Variants in OSBPL10 observed in about 807,000 individuals in gnomAD.
OSBPL10 encodes the protein oxysterol binding protein like 10.
Under a neutral mutation model 81.7 loss-of-function variants are expected in OSBPL10, and 49 were observed. The observed-to-expected ratio is 0.60, with a 90% CI of 0.48 to 0.76. The LOEUF (loss-of-function observed/expected upper bound fraction) is 0.76. Among genes scored for constraint, OSBPL10 ranks in the 30% least tolerant of loss-of-function variants. The pLI is 0.00. For synonymous variants in OSBPL10, 419 were observed against 383.6 expected, an observed-to-expected ratio of 1.09 and a Z score of -1.08; for missense variants, 923 against 987.8, an observed-to-expected ratio of 0.93 and a Z score of 0.88.
chr3:31,988,378 A>C (rs1269984853), intron 2 of OSBPL10, among the ~76,000 whole-genome samples: 1 of 152,116 alleles, frequency 6.6e-6, no homozygotes, highest in Non-Finnish European at 1.5e-5. Context: ...GAGTAGGATG[A>C]GTGTGTTGTA....
In OSBPL10 at chr3:31,687,469, A is replaced by T. The variant is rs1017642699; in HGVS notation, c.1246-3355T>A. On this transcript the variant is annotated intron_variant, in intron 7 of 11. Coordinates refer to ENST00000396556, the MANE Select transcript of OSBPL10 (RefSeq NM_017784.5). Reference sequence around the variant, plus strand: ...TCTGAATTCAAAAGCTGAAGGATTTAAAAAAAAAAATAAGTAAATAAATAA... The same window carrying T: ...TCTGAATTCAAAAGCTGAAGGATTTTAAAAAAAAAATAAGTAAATAAATAA... 2.6e-4 allele frequency among the ~76,000 whole-genome samples: 31 copies of T among 119,030 alleles called. 1 individual carries two copies. The highest frequency in any genetic ancestry group is 1.4e-3 in the African/African-American group (25 of 17,792). 78.1% of individuals were successfully genotyped at this position (119,030 alleles called of 152,430 possible).
intron 1 of OSBPL10, among the ~76,000 whole-genome samples, chr3:31,941,537 C>G (rs1185643650): frequency 6.6e-6 from 1 of 152,210 alleles, no homozygotes; most frequent in African/African-American, 2.4e-5. Context: ...TCAAAAGCAT[C>G]AAGTCTAGAC....
intron 1 of OSBPL10, among the ~76,000 whole-genome samples, chr3:32,075,634 C>T (rs1488731354): frequency 6.6e-6 from 1 of 152,172 alleles, no homozygotes; most frequent in Non-Finnish European, 1.5e-5. Flanking sequence ...CTGTAGGTTT[C>T]CACACAGCCC....
chr3:31,989,984 C>T (rs563925518), intron 2 of OSBPL10: 1 of 1,613,980 alleles, frequency 6.2e-7, no homozygotes, highest in African/African-American at 1.3e-5. Flanking sequence ...TCAAACCTTG[C>T]AAGTCATCAT....
At chr3:31,741,619 T>TA (rs893886245) in intron 5 of OSBPL10, among the ~76,000 whole-genome samples, 6 of 152,192 alleles carry the variant, frequency 3.9e-5, no homozygotes, top group Admixed American at 6.5e-5. Context: ...TAGACAGTTG[T>TA]AAAAAAATAA....
intron 7 of OSBPL10, among the ~76,000 whole-genome samples, chr3:31,694,485 T>G (rs1478642998): frequency 6.6e-6 from 1 of 152,110 alleles, no homozygotes; most frequent in Non-Finnish European, 1.5e-5. Context: ...ATTTTAATTT[T>G]TTAAAAAGTT....
intron 3 of OSBPL10, among the ~76,000 whole-genome samples, chr3:31,871,875 CACAT>C (rs1451754005): frequency 1.3e-5 from 2 of 152,120 alleles, no homozygotes; most frequent in African/African-American, 4.8e-5. Context: ...CACACACACA[CACAT>C]GCACACGCAC....
At chr3:32,077,272 A>T (rs925487787) in intron 1 of OSBPL10, 3 of 152,136 alleles carry the variant, frequency 2.0e-5, no homozygotes, top group Non-Finnish European at 4.4e-5. Flanking sequence ...TGGATGTTTC[A>T]CTGTCATCTA....
chr3:31,981,388 C>T, upstream of OSBPL10: 1 of 816,412 alleles, frequency 1.2e-6, no homozygotes, highest in Non-Finnish European at 1.6e-6. The surrounding 1 kb of genome is among the most constrained non-coding windows in gnomAD (Gnocchi z 4.5). Context: ...TGCGGCCGCC[C>T]CTCCTCCCGC....
intron 6 of OSBPL10, among the ~76,000 whole-genome samples, chr3:31,729,851 G>A (rs950494494): frequency 5.9e-5 from 9 of 152,156 alleles, no homozygotes; most frequent in African/African-American, 1.9e-4. Flanking sequence ...AACTCTAAGT[G>A]TGGCCACCAC....
At chr3:31,662,502 AG>A in intron 11 of OSBPL10, 2 of 1,015,430 alleles carry the variant, frequency 2.0e-6, no homozygotes, top group Non-Finnish European at 2.4e-6. Context: ...TCCAGCCCAC[AG>A]GGGAACACCC....
At chr3:31,669,570 C>A (rs557972702) in intron 9 of OSBPL10, among the ~76,000 whole-genome samples, 1 of 152,322 alleles carries the variant, frequency 6.6e-6, no homozygotes, top group Non-Finnish European at 1.5e-5. Flanking sequence ...TAGCTTCCTA[C>A]TCACAGTAGT....
intron 1 of OSBPL10, among the ~76,000 whole-genome samples, chr3:31,909,113 G>A (rs546653204): frequency 6.6e-6 from 1 of 152,216 alleles, no homozygotes; most frequent in Non-Finnish European, 1.5e-5. Context: ...CCTGAGCTAA[G>A]GGAAAACTAC....
At chr3:32,070,919 C>A (rs1476531519) in intron 1 of OSBPL10, among the ~76,000 whole-genome samples, 1 of 152,248 alleles carries the variant, frequency 6.6e-6, no homozygotes, top group East Asian at 1.9e-4. Context: ...TCAGTCCCAG[C>A]AGCTTACCTG....
intron 1 of OSBPL10, among the ~76,000 whole-genome samples, chr3:31,929,710 T>G (rs553985991): frequency 6.8e-6 from 1 of 148,118 alleles, no homozygotes; most frequent in Non-Finnish European, 1.5e-5. Context: ...ATAGCGCCAC[T>G]GGACTCCAGC....
intron 2 of OSBPL10, among the ~76,000 whole-genome samples, chr3:32,029,940 T>C (rs1247524227): frequency 6.6e-6 from 1 of 152,184 alleles, no homozygotes; most frequent in Non-Finnish European, 1.5e-5. Flanking sequence ...CTGAAAGCAA[T>C]AAACACTCTA....
intron 1 of OSBPL10, among the ~76,000 whole-genome samples, chr3:32,058,245 T>C (rs558227950): frequency 6.6e-6 from 1 of 152,368 alleles, no homozygotes; most frequent in East Asian, 1.9e-4. Context: ...AGATATGTGA[T>C]AAACCAACTT....
intron 6 of OSBPL10, among the ~76,000 whole-genome samples, chr3:31,725,908 T>A (rs962954568): frequency 6.6e-6 from 1 of 152,120 alleles, no homozygotes; most frequent in African/African-American, 2.4e-5. Context: ...TACTCTGGAG[T>A]TTCCAGAGAA....
At chr3:32,055,902 T>C (rs1307456069) in intron 1 of OSBPL10, among the ~76,000 whole-genome samples, 3 of 152,198 alleles carry the variant, frequency 2.0e-5, no homozygotes, top group African/African-American at 7.2e-5. Context: ...CATACAGGTA[T>C]TTGATGGTTG....
Sources: allele counts gnomAD v4.1 joint callset (sites outside exome capture counted in the v4.1 genomes callset), GRCh38; gene constraint gnomAD v4.1.1; non-coding constraint Gnocchi (gnomAD v3.1); transcripts MANE v1.5; gene names NCBI Gene and HGNC (gene_info 2026-07-23, HGNC 2026-07-21).